PPP6R3: variants seen among roughly 807,000 people sequenced by gnomAD.
PPP6R3 encodes protein phosphatase 6 regulatory subunit 3.
A neutral mutation model predicts 110.7 loss-of-function variants in PPP6R3; 38 were observed. That is an observed-to-expected ratio of 0.34 (90% CI 0.26 to 0.45). The LOEUF (loss-of-function observed/expected upper bound fraction) is 0.45, where lower values mean the gene tolerates loss of function less well. PPP6R3 is among the 20% of genes least tolerant of loss of function. PPP6R3 has a pLI of 1.00. For synonymous variants in PPP6R3, 369 were observed against 373.5 expected (o/e 0.99, Z 0.14); for missense variants, 870 against 1,062.4 (o/e 0.82, Z 2.52).
At chr11:68,478,647 G>GTTTTTCTTTTT (rs2098860647) in intron 1 of PPP6R3, among the ~76,000 whole-genome samples, 1 of 50,506 alleles carries the variant, frequency 2.0e-5, no homozygotes. Context: ...CACTTGGTAA[G>GTTTTTCTTTTT]TTTTTTTTTT....
At chr11:68,537,555 G>A in intron 2 of PPP6R3, 104 bp from the exon 3 acceptor site, 1 of 743,170 alleles carries the variant, frequency 1.3e-6, no homozygotes, top group Non-Finnish European at 2.2e-6. Flanking sequence ...ACTTATGTGA[G>A]CCAAGTTGGC....
At chr11:68,542,302 C>G (rs1592819595) in intron 3 of PPP6R3, among the ~76,000 whole-genome samples, 1 of 147,854 alleles carries the variant, frequency 6.8e-6, no homozygotes, top group Non-Finnish European at 1.5e-5. Context: ...TGTTCTCAGG[C>G]AAAGGAAGCG....
At chr11:68,476,086 C>G (rs1348128257) in intron 1 of PPP6R3, among the ~76,000 whole-genome samples, 2 of 152,050 alleles carry the variant, frequency 1.3e-5, no homozygotes, top group Non-Finnish European at 2.9e-5. Context: ...GCTGCAATCT[C>G]GGCACTTTGG....
At chr11:68,468,581 A>G (rs986428329) in intron 1 of PPP6R3, among the ~76,000 whole-genome samples, 2 of 152,232 alleles carry the variant, frequency 1.3e-5, no homozygotes, top group Non-Finnish European at 2.9e-5. Context: ...AATGATCTCA[A>G]GGAGAGAAAT....
intron 6 of PPP6R3, among the ~76,000 whole-genome samples, chr11:68,551,530 C>T (rs1320233403): frequency 2.0e-5 from 3 of 152,134 alleles, no homozygotes; most frequent in African/African-American, 7.2e-5. Flanking sequence ...CCCTCTGTCG[C>T]CTAGGCTGGA....
chr11:68,605,408 T>C (rs1939043870), intron 22 of PPP6R3, among the ~76,000 whole-genome samples: 1 of 152,186 alleles, frequency 6.6e-6, no homozygotes, highest in African/African-American at 2.4e-5. Flanking sequence ...CATGAACTTG[T>C]TACATGTTAG....
intron 1 of PPP6R3, among the ~76,000 whole-genome samples, chr11:68,517,260 G>A (rs1468046658): frequency 6.6e-6 from 1 of 151,980 alleles, no homozygotes; most frequent in Non-Finnish European, 1.5e-5. Context: ...TTATGGTAGA[G>A]GCTTTCTGGA....
intron 1 of PPP6R3, among the ~76,000 whole-genome samples, chr11:68,493,048 G>C (rs961169619): frequency 2.0e-5 from 3 of 152,074 alleles, no homozygotes; most frequent in East Asian, 1.9e-4. Context: ...ATGTGCTAAT[G>C]ATGCTCATAC....
chr11:68,545,294 T>C (rs141342043), intron 4 of PPP6R3, among the ~76,000 whole-genome samples: 1 of 152,388 alleles, frequency 6.6e-6, no homozygotes, highest in East Asian at 1.9e-4. Flanking sequence ...GAATATTGGG[T>C]ACCCATTTGT....
chr11:68,600,223 T>G, intron 19 of PPP6R3, 118 bp from the exon 20 acceptor site: 8 of 1,170,064 alleles, frequency 6.8e-6, no homozygotes, highest in Non-Finnish European at 1.0e-5. Flanking sequence ...CCCTCATTGG[T>G]GAGAGTGTCT....
chr11:68,473,793 TTTG>T (rs1242604124), intron 1 of PPP6R3, among the ~76,000 whole-genome samples: 2 of 152,356 alleles, frequency 1.3e-5, no homozygotes, highest in Non-Finnish European at 2.9e-5. Flanking sequence ...AACACTCTGC[TTTG>T]TTATTTTTGT....
At chr11:68,558,468 A>G in intron 7 of PPP6R3, 98 bp from the exon 8 acceptor site, 1 of 712,868 alleles carries the variant, frequency 1.4e-6, no homozygotes, top group East Asian at 2.7e-5. Context: ...CCAAGTATGA[A>G]CTCTTCAGTG....
At chr11:68,523,490 T>C (rs1414405240) in intron 2 of PPP6R3, among the ~76,000 whole-genome samples, 5 of 152,210 alleles carry the variant, frequency 3.3e-5, no homozygotes, top group Non-Finnish European at 7.3e-5. Flanking sequence ...TCCTAAGTTA[T>C]GGTCCTTTTT....
chr11:68,519,663 A>AT lies in PPP6R3; in HGVS notation c.-7+12_-7+13insT. On this transcript the variant is annotated intron_variant, in intron 2 of 23. Transcript: ENST00000393800. ...ACTTGGTTTGAAAGGTAAGACCATT[A>AT]CGATTAGCAGGAGTTTCCTTCCATT... The AT allele has an allele frequency of 2.5e-6, 1 of 398,542 alleles. No individual in the cohort carries two copies. Among genetic ancestry groups the AT allele is most frequent in the Non-Finnish European group, 4.4e-6 (1 of 226,008 alleles). The allele number at this position is 398,542 out of a possible 1,614,324, so 24.7% of individuals were successfully genotyped here.
At chr11:68,485,575 G>A (rs1170731743) in intron 1 of PPP6R3, among the ~76,000 whole-genome samples, 1 of 152,104 alleles carries the variant, frequency 6.6e-6, no homozygotes, top group Non-Finnish European at 1.5e-5. Flanking sequence ...AGTTTTCTGA[G>A]TGTTTTTTGA....
chr11:68,600,666 TCAC>T (rs2099629101), intron 20 of PPP6R3, among the ~76,000 whole-genome samples, 172 bp downstream of exon 20: 1 of 152,198 alleles, frequency 6.6e-6, no homozygotes, highest in Admixed American at 6.5e-5. Context: ...AGAAGAACAA[TCAC>T]CATCTTCCTT....
At chr11:68,492,440 C>A (rs562659506) in intron 1 of PPP6R3, among the ~76,000 whole-genome samples, 1 of 152,220 alleles carries the variant, frequency 6.6e-6, no homozygotes, top group Non-Finnish European at 1.5e-5. Flanking sequence ...TAAGCCACTG[C>A]GCCTGACTAG....
chr11:68,529,015 G>C (rs571549632), intron 2 of PPP6R3, among the ~76,000 whole-genome samples: 82 of 152,296 alleles, frequency 5.4e-4, no homozygotes, highest in African/African-American at 1.9e-3. Context: ...CACGTCTGCC[G>C]CTTATGGAAT....
At chr11:68,573,114 TTATATATATATATATATATATA>T (rs60848718) in intron 12 of PPP6R3, among the ~76,000 whole-genome samples, 2,025 of 61,824 alleles carry the variant, frequency 0.033, 183 homozygotes, top group African/African-American at 0.13. Context: ...TTTACTTATT[TTATATATATATATATATATATA>T]TATATATATA....
Sources: gnomAD v4.1 joint callset for allele counts (sites outside exome capture counted in the v4.1 genomes callset) on GRCh38, gnomAD v4.1.1 for gene constraint, MANE v1.5 for transcripts, NCBI Gene and HGNC (gene_info 2026-07-23, HGNC 2026-07-21) for gene names.